CYRIB: variants seen among roughly 807,000 people sequenced by gnomAD.
The protein encoded by CYRIB is CYFIP related Rac1 interactor B, also known as CYFIP-related Rac1 interactor B.
A neutral mutation model predicts 44.2 loss-of-function variants in CYRIB; 8 were observed. The observed-to-expected ratio is 0.18, with a 90% CI of 0.11 to 0.33. The LOEUF is 0.33. Among genes scored for constraint, CYRIB ranks in the 10% least tolerant of loss-of-function variants. The probability of loss-of-function intolerance (pLI) is 1.00; values close to 1 mark genes in which losing one functional copy is unlikely to be tolerated. For missense variants in CYRIB, 185 were observed against 382.8 expected, an observed-to-expected ratio of 0.48 and a Z score of 4.31; for synonymous variants, 131 against 127.2, an observed-to-expected ratio of 1.03 and a Z score of -0.20.
intron 1 of CYRIB, among the ~76,000 whole-genome samples, chr8:129,996,247 TG>T (rs1480878012): frequency 6.6e-6 from 1 of 152,176 alleles, no homozygotes; most frequent in African/African-American, 2.4e-5. Context: ...CCTCTCAGGC[TG>T]GGATCAATGT....
intron 2 of CYRIB, among the ~76,000 whole-genome samples, chr8:129,885,726 T>G (rs181386308): frequency 3.9e-4 from 59 of 152,276 alleles, no homozygotes; most frequent in Non-Finnish European, 7.2e-4. Context: ...TTTTAACATA[T>G]GACCACCAAC....
At chr8:129,883,296 C>T (rs535259285) in intron 2 of CYRIB, among the ~76,000 whole-genome samples, 1 of 151,940 alleles carries the variant, frequency 6.6e-6, no homozygotes, top group African/African-American at 2.4e-5. Flanking sequence ...CAGCTACCCC[C>T]CATACAAGCT....
At chr8:129,989,382 G>A (rs78283354) in intron 1 of CYRIB, among the ~76,000 whole-genome samples, 1,831 of 152,330 alleles carry the variant, frequency 0.012, 39 homozygotes, top group African/African-American at 0.042. Flanking sequence ...GACCGAGGCT[G>A]TTCTCAAGTT....
chr8:129,987,712 C>G (rs1425461749), intron 1 of CYRIB, among the ~76,000 whole-genome samples: 1 of 151,940 alleles, frequency 6.6e-6, no homozygotes, highest in Non-Finnish European at 1.5e-5. Flanking sequence ...TGGGATTCCA[C>G]AGGCAGGCGC....
At chr8:129,892,668 T>C (rs1373886471) in intron 2 of CYRIB, among the ~76,000 whole-genome samples, 1 of 152,196 alleles carries the variant, frequency 6.6e-6, no homozygotes, top group African/African-American at 2.4e-5. Flanking sequence ...TGGGCACAAT[T>C]GGGTGGAAGT....
upstream of CYRIB, among the ~76,000 whole-genome samples, chr8:129,943,635 G>T: frequency 9.7e-6 from 1 of 103,538 alleles, no homozygotes; most frequent in Non-Finnish European, 1.8e-5. Context: ...GTCTCGCTCT[G>T]TGGCCCAGGC....
At chr8:129,865,287 TTAAC>T (rs780665838) in intron 4 of CYRIB, among the ~76,000 whole-genome samples, 21 of 152,340 alleles carry the variant, frequency 1.4e-4, no homozygotes, top group South Asian at 6.2e-4. Flanking sequence ...AATAAATTCT[TTAAC>T]TAGCTCTGCA....
chr8:129,929,823 T>A (rs1383544016), intron 1 of CYRIB, among the ~76,000 whole-genome samples: 1 of 152,178 alleles, frequency 6.6e-6, no homozygotes, highest in African/African-American at 2.4e-5. Flanking sequence ...TGGCTAAAAC[T>A]ACCTGGAATA....
Position 129,916,616 on chromosome 8 carries a change from T to C in CYRIB, c.-49-13266A>G, listed in dbSNP as rs141956537. ...CATTCCTTTCTTCCTTCTAAAAAGA[T>C]TCTTATCCTTAAAGGGCCAATTTAA... On this transcript the variant is annotated intron_variant, in intron 1 of 11. Transcript: ENST00000519824. Among the ~76,000 whole-genome samples, 70 of 152,314 alleles carry C rather than the reference T, an allele frequency of 4.6e-4. No homozygotes were observed. The South Asian group carries it at 0.01, about 22-fold the overall frequency.
chr8:129,842,054 G>T, exon 12 of CYRIB: 1 of 829,006 alleles, frequency 1.2e-6, no homozygotes, highest in East Asian at 2.5e-5. Flanking sequence ...GAATAAATGA[G>T]ATAGTAATTG....
chr8:129,900,663 T>C (rs2071126172), intron 2 of CYRIB, among the ~76,000 whole-genome samples: 1 of 152,174 alleles, frequency 6.6e-6, no homozygotes, highest in Non-Finnish European at 1.5e-5. Flanking sequence ...TGGTGTCTCA[T>C]ACTGATATTT....
At chr8:129,969,844 T>C (rs1373843110) in intron 2 of CYRIB, among the ~76,000 whole-genome samples, 1 of 152,196 alleles carries the variant, frequency 6.6e-6, no homozygotes, top group Non-Finnish European at 1.5e-5. Context: ...AGCAGATCCA[T>C]GTCTGCCATT....
intron 2 of CYRIB, among the ~76,000 whole-genome samples, chr8:129,954,073 T>C (rs535679295): frequency 1.4e-4 from 21 of 152,112 alleles, no homozygotes; most frequent in African/African-American, 4.8e-4. Flanking sequence ...AGAACACAGG[T>C]TTAATGAGAA....
intron 2 of CYRIB, among the ~76,000 whole-genome samples, chr8:129,946,704 C>T (rs1233432957): frequency 3.3e-5 from 5 of 152,156 alleles, no homozygotes; most frequent in Non-Finnish European, 7.4e-5. Context: ...ATATTTCCCC[C>T]GAGTTATAAG....
chr8:129,956,950 C>CA (rs2094884349), intron 2 of CYRIB, among the ~76,000 whole-genome samples: 1 of 151,742 alleles, frequency 6.6e-6, no homozygotes, highest in Admixed American at 6.6e-5. Flanking sequence ...GTGATCCTCC[C>CA]ACCTCAGACT....
At chr8:129,905,797 A>T (rs1355513375) in intron 1 of CYRIB, among the ~76,000 whole-genome samples, 1 of 152,210 alleles carries the variant, frequency 6.6e-6, no homozygotes. Flanking sequence ...AAATCAAGAC[A>T]CAATAAAACA....
chr8:129,847,520 G>A (rs1009445508), intron 10 of CYRIB, among the ~76,000 whole-genome samples: 1 of 152,142 alleles, frequency 6.6e-6, no homozygotes, highest in Non-Finnish European at 1.5e-5. Flanking sequence ...CTAAGGAAAA[G>A]AAGAACTTTC....
chr8:129,888,209 G>A (rs529204893), intron 2 of CYRIB, among the ~76,000 whole-genome samples: 3 of 152,236 alleles, frequency 2.0e-5, no homozygotes, highest in African/African-American at 7.2e-5. Flanking sequence ...CTTTTAAAGG[G>A]TGGGGCACTT....
intron 4 of CYRIB, among the ~76,000 whole-genome samples, chr8:129,867,894 T>C (rs960167079): frequency 3.9e-5 from 6 of 152,330 alleles, no homozygotes; most frequent in Admixed American, 1.3e-4. Flanking sequence ...TTTTTAAATA[T>C]ACTTCAAACT....
Sources: gnomAD v4.1 joint callset for allele counts (sites outside exome capture counted in the v4.1 genomes callset) on GRCh38, gnomAD v4.1.1 for gene constraint, MANE v1.5 for transcripts, NCBI Gene and HGNC (gene_info 2026-07-23, HGNC 2026-07-21) for gene names.